TET2: variants seen among roughly 807,000 people sequenced by gnomAD.
TET2 encodes tet methylcytosine dioxygenase 2.
In TET2, 299 loss-of-function variants were observed where a neutral mutation model predicts 142.9. The observed-to-expected ratio is 2.09, with a 90% CI of 1.90 to 2.30. TET2 has a LOEUF of 2.30. Ranked by LOEUF, TET2 falls within the 30% of genes most tolerant of loss-of-function variation. The pLI, the probability that TET2 is intolerant of heterozygous loss-of-function variation, is 0.00. For missense variants in TET2, 2,418 were observed against 2,378.0 expected (o/e 1.02, Z -0.35); for synonymous variants, 819 against 849.0 (o/e 0.96, Z 0.61).
intron 2 of TET2, among the ~76,000 whole-genome samples, chr4:105,219,005 T>A (rs1230312708): frequency 2.0e-5 from 3 of 152,058 alleles, no homozygotes; most frequent in Non-Finnish European, 1.5e-5. Context: ...GATGTATTTT[T>A]CTGATGAACA....
intron 3 of TET2, chr4:105,240,771 C>G: frequency 1.9e-6 from 2 of 1,079,818 alleles, no homozygotes; most frequent in East Asian, 5.0e-5. Context: ...AGGATTTTCT[C>G]TCATCATAAA....
chr4:105,201,793 G>A (rs1726492516), intron 2 of TET2, among the ~76,000 whole-genome samples: 1 of 142,196 alleles, frequency 7.0e-6, no homozygotes, highest in Non-Finnish European at 1.5e-5. Context: ...CCAGACTGCG[G>A]TGCAGTGGCC....
At chr4:105,207,401 A>T (rs1726888839) in intron 2 of TET2, among the ~76,000 whole-genome samples, 1 of 152,200 alleles carries the variant, frequency 6.6e-6, no homozygotes, top group Non-Finnish European at 1.5e-5. Context: ...CTATGATTTG[A>T]AGTCCTTTCA....
At position 105,275,106 on chromosome 4, in the gene TET2, G is replaced by GA; in HGVS notation, c.4598dup (p.Gln1534AlafsTer44). 1 of 1,551,154 alleles carries GA rather than the reference G, an allele frequency of 6.4e-7. No individual in the cohort carries two copies. Among genetic ancestry groups the GA allele is most frequent in the Non-Finnish European group, 8.7e-7 (1 of 1,146,722 alleles). ...AGTCCCAGCAGCCCCAGCCTCTACA[G>GA]AAGCAGCCACCACAGCCCCAGCAGC... is the stretch of plus-strand genomic sequence containing the variant. On this transcript the variant is annotated frameshift_variant, in exon 11 of 11. Coordinates refer to ENST00000380013, the MANE Select transcript of TET2 (RefSeq NM_001127208.3). LOFTEE classifies it low-confidence loss of function (END_TRUNC).
At chr4:105,262,830 G>A (rs537371149) in intron 8 of TET2, among the ~76,000 whole-genome samples, 28 of 150,724 alleles carry the variant, frequency 1.9e-4, no homozygotes, top group South Asian at 6.3e-4. Context: ...GCAGTGAGCC[G>A]AAGTCAAACC....
chr4:105,153,356 A>G (rs1278125582), intron 1 of TET2, among the ~76,000 whole-genome samples: 1 of 152,240 alleles, frequency 6.6e-6, no homozygotes, highest in Non-Finnish European at 1.5e-5. Flanking sequence ...ACATGATCAC[A>G]TATTTTTAAA....
intron 7 of TET2, among the ~76,000 whole-genome samples, chr4:105,261,392 C>T (rs1730418791): frequency 6.6e-6 from 1 of 151,890 alleles, no homozygotes; most frequent in Non-Finnish European, 1.5e-5. Context: ...TAGAAATAGA[C>T]AAATTAAGCT....
intron 6 of TET2, among the ~76,000 whole-genome samples, chr4:105,247,109 C>A (rs1729619177): frequency 6.6e-6 from 1 of 152,094 alleles, no homozygotes; most frequent in Admixed American, 6.6e-5. Context: ...AGGAAAAGTG[C>A]AATATAATGA....
intron 6 of TET2, among the ~76,000 whole-genome samples, chr4:105,246,414 G>A (rs1266058209): frequency 6.6e-6 from 1 of 152,186 alleles, no homozygotes; most frequent in Non-Finnish European, 1.5e-5. Context: ...TAAAAGACAT[G>A]CTTCAAATAT....
At chr4:105,190,168 A>G (rs1351660465) in intron 1 of TET2, among the ~76,000 whole-genome samples, 192 bp from the exon 2 acceptor site, 1 of 152,226 alleles carries the variant, frequency 6.6e-6, no homozygotes, top group African/African-American at 2.4e-5. Context: ...TTCTACAGAT[A>G]TTAGAATTGT....
intron 2 of TET2, among the ~76,000 whole-genome samples, chr4:105,230,856 C>T (rs947398077): frequency 3.3e-5 from 5 of 151,926 alleles, no homozygotes; most frequent in African/African-American, 4.8e-5. Flanking sequence ...TTTAAGTTTT[C>T]TCAGATTGTT....
intron 2 of TET2, among the ~76,000 whole-genome samples, chr4:105,218,841 A>G (rs544760490): frequency 3.9e-5 from 6 of 152,062 alleles, no homozygotes; most frequent in Admixed American, 1.3e-4. Context: ...TTTTGTAATG[A>G]AAAAATATAT....
intron 2 of TET2, among the ~76,000 whole-genome samples, chr4:105,208,917 C>A (rs1023245566): frequency 4.0e-5 from 6 of 151,030 alleles, no homozygotes; most frequent in African/African-American, 1.5e-4. Flanking sequence ...TAGAGTGAAA[C>A]AAGGATAAAG....
chr4:105,228,397 A>C (rs781369703), intron 2 of TET2, among the ~76,000 whole-genome samples: 12 of 152,118 alleles, frequency 7.9e-5, no homozygotes, highest in Non-Finnish European at 1.3e-4. Context: ...ATGTTTAAAA[A>C]TGGCCATTGT....
chr4:105,244,198 A>C (rs1298202497), intron 6 of TET2, among the ~76,000 whole-genome samples: 2 of 152,232 alleles, frequency 1.3e-5, no homozygotes, highest in Admixed American at 1.3e-4. Context: ...AATACCTTCC[A>C]TATGTATGTA....
chr4:105,152,559 T>C (rs1336493365), intron 1 of TET2, among the ~76,000 whole-genome samples: 1 of 150,978 alleles, frequency 6.6e-6, no homozygotes, highest in African/African-American at 2.4e-5. Flanking sequence ...AAAAAAAGTA[T>C]AATCTATTTT....
At chr4:105,266,135 G>T (rs953705174) in intron 8 of TET2, among the ~76,000 whole-genome samples, 1 of 152,124 alleles carries the variant, frequency 6.6e-6, no homozygotes, top group Admixed American at 6.6e-5. Flanking sequence ...GAAGAAGCAG[G>T]CAGAATAATC....
intron 2 of TET2, among the ~76,000 whole-genome samples, chr4:105,214,686 T>G (rs558321527): frequency 3.6e-4 from 54 of 151,922 alleles, no homozygotes; most frequent in African/African-American, 1.3e-3. Flanking sequence ...CTGATGATCA[T>G]GAAGCCTCCA....
intron 2 of TET2, among the ~76,000 whole-genome samples, chr4:105,213,065 A>T (rs1172701336): frequency 1.3e-5 from 2 of 152,094 alleles, no homozygotes; most frequent in African/African-American, 4.8e-5. Flanking sequence ...TTTATTTTAC[A>T]AATGCATCTG....
Sources: gnomAD v4.1 joint callset for allele counts (sites outside exome capture counted in the v4.1 genomes callset) on GRCh38, gnomAD v4.1.1 for gene constraint, MANE v1.5 for transcripts, NCBI Gene and HGNC (gene_info 2026-07-23, HGNC 2026-07-21) for gene names.